Variants in FRMD4B observed in about 807,000 individuals in gnomAD.
FRMD4B encodes FERM domain containing 4B.
FRMD4B carries 74 observed loss-of-function variants against 141.5 expected under a neutral mutation model. That is an observed-to-expected ratio of 0.52 (90% confidence interval 0.43 to 0.63). The LOEUF is 0.63. FRMD4B is among the 30% of genes least tolerant of loss of function. FRMD4B has a pLI of 0.00. For missense variants in FRMD4B, 1,366 were observed against 1,253.4 expected (o/e 1.09, Z -1.36); for synonymous variants, 506 against 467.9 (o/e 1.08, Z -1.05).
At chr3:69,244,620 G>A (rs539727944) in intron 7 of FRMD4B, among the ~76,000 whole-genome samples, 66 of 151,584 alleles carry the variant, frequency 4.4e-4, no homozygotes, top group African/African-American at 1.6e-3. Context: ...GCGACAGAGC[G>A]AGACTCTGTT....
intron 7 of FRMD4B, among the ~76,000 whole-genome samples, chr3:69,243,981 G>A (rs940837457): frequency 1.3e-5 from 2 of 152,156 alleles, no homozygotes; most frequent in African/African-American, 2.4e-5. Flanking sequence ...GGGAGGCGGA[G>A]GTTGCTGTGA....
rs530583254 is a variant in FRMD4B, at chr3:69,297,493, A to G, written c.416+4850T>C. 2.0e-5 allele frequency among the ~76,000 whole-genome samples: 3 copies of G among 152,288 alleles called. No individual in the cohort carries two copies. In the South Asian group the frequency reaches 6.2e-4, roughly 32 times the overall value. Reference sequence around the variant, plus strand: ...GGAAGACCAAATGAAATGAAAAACAACAACAACAAAAAATAATAAAGGGGA... The same window carrying G: ...GGAAGACCAAATGAAATGAAAAACAGCAACAACAAAAAATAATAAAGGGGA... On this transcript the variant is annotated intron_variant, in intron 4 of 22. Coordinates refer to ENST00000398540, the MANE Select transcript of FRMD4B (RefSeq NM_015123.3).
In FRMD4B at chr3:69,536,699, A is replaced by G. The variant is rs1365462252; in HGVS notation, c.-129+5507T>C. ...TGACACTCCCAGGAGGGGAGGCATC[A>G]GTAGTTTTATCCTTCAGTTATGGTA... On this transcript the variant is annotated intron_variant, in intron 1 of 5. Transcript: ENST00000459638. The G allele has an allele frequency of 1.2e-5, 8 of 695,590 alleles. No individual in the cohort carries two copies. The East Asian group carries it at 2.2e-4, about 20-fold the overall frequency. The allele number at this position is 695,590 out of a possible 1,614,324, so 43.1% of individuals were successfully genotyped here.
intron 1 of FRMD4B, among the ~76,000 whole-genome samples, chr3:69,365,731 CAAGTGAT>C (rs1197623165): frequency 6.6e-6 from 1 of 152,030 alleles, no homozygotes; most frequent in Non-Finnish European, 1.5e-5. Context: ...CTCTTGACTT[CAAGTGAT>C]ACACCCGCCT....
intron 1 of FRMD4B, among the ~76,000 whole-genome samples, chr3:69,483,669 T>C (rs7652880): frequency 0.21 from 32,154 of 152,120 alleles, 3,744 homozygotes; most frequent in East Asian, 0.42. Context: ...ACCTGGAAAC[T>C]GCTGGTGGAA....
chr3:69,383,858 C>T (rs898514326), intron 1 of FRMD4B, among the ~76,000 whole-genome samples: 4 of 152,186 alleles, frequency 2.6e-5, no homozygotes, highest in African/African-American at 9.7e-5. Flanking sequence ...TGGTGCCCAA[C>T]CGTTATCTTT....
chr3:69,524,602 A>T (rs1263535111), intron 1 of FRMD4B, among the ~76,000 whole-genome samples: 2 of 152,200 alleles, frequency 1.3e-5, no homozygotes, highest in African/African-American at 4.8e-5. Flanking sequence ...CTCCACACAA[A>T]GGTAGGGGAA....
intron 5 of FRMD4B, among the ~76,000 whole-genome samples, chr3:69,258,819 G>A (rs2093508571): frequency 6.6e-6 from 1 of 152,124 alleles, no homozygotes. Context: ...CCCACTGGAA[G>A]AACCTGTGGG....
At chr3:69,178,324 T>A (rs1333748016) in intron 21 of FRMD4B, among the ~76,000 whole-genome samples, 2 of 152,188 alleles carry the variant, frequency 1.3e-5, no homozygotes, top group Non-Finnish European at 2.9e-5. Context: ...CACTCTGAGT[T>A]TGAGCTTCCA....
At chr3:69,455,315 C>T (rs992722304) in intron 1 of FRMD4B, among the ~76,000 whole-genome samples, 19 of 152,328 alleles carry the variant, frequency 1.2e-4, no homozygotes, top group East Asian at 1.2e-3. Flanking sequence ...TTTGTTCTTT[C>T]ACTCTTTGCA....
intron 1 of FRMD4B, among the ~76,000 whole-genome samples, chr3:69,492,078 C>A (rs1706308762): frequency 6.6e-6 from 1 of 152,184 alleles, no homozygotes; most frequent in Non-Finnish European, 1.5e-5. Flanking sequence ...TTACATCCTG[C>A]CCTGGCAGGA....
intron 2 of FRMD4B, among the ~76,000 whole-genome samples, chr3:69,397,201 T>C (rs1704487886): frequency 6.6e-6 from 1 of 152,164 alleles, no homozygotes; most frequent in South Asian, 2.1e-4. Flanking sequence ...GAAATACTGG[T>C]ACGTACTACA....
At chr3:69,366,591 T>C (rs988594451) in intron 1 of FRMD4B, among the ~76,000 whole-genome samples, 1 of 152,220 alleles carries the variant, frequency 6.6e-6, no homozygotes, top group Non-Finnish European at 1.5e-5. Flanking sequence ...ATATATGCCC[T>C]GTTAATAACC....
At chr3:69,178,528 C>T (rs2092673230) in intron 21 of FRMD4B, among the ~76,000 whole-genome samples, 2 of 151,880 alleles carry the variant, frequency 1.3e-5, no homozygotes, top group African/African-American at 4.8e-5. Context: ...TAAAATTAGC[C>T]AGGCATGGTG....
At chr3:69,475,630 A>C (rs1705980956) in intron 1 of FRMD4B, among the ~76,000 whole-genome samples, 1 of 152,106 alleles carries the variant, frequency 6.6e-6, no homozygotes, top group Non-Finnish European at 1.5e-5. Context: ...GGTTGGTTCC[A>C]AGTCTTTGCT....
chr3:69,212,762 C>T (rs2093099022), intron 11 of FRMD4B, among the ~76,000 whole-genome samples: 2 of 152,136 alleles, frequency 1.3e-5, no homozygotes, highest in African/African-American at 4.8e-5. Flanking sequence ...GCCACATTAG[C>T]TAATAAATTA....
At chr3:69,512,193 G>A (rs935306697) in intron 1 of FRMD4B, among the ~76,000 whole-genome samples, 2 of 152,176 alleles carry the variant, frequency 1.3e-5, no homozygotes, top group African/African-American at 4.8e-5. Context: ...TCACCATAGT[G>A]AGGCACTGCA....
intron 1 of FRMD4B, among the ~76,000 whole-genome samples, chr3:69,314,724 A>G (rs1430082123): frequency 1.3e-5 from 2 of 151,890 alleles, no homozygotes; most frequent in African/African-American, 4.8e-5. Flanking sequence ...AGTTCCAGCT[A>G]CTCTGGAGGC....
chr3:69,470,026 C>T (rs979290309), intron 1 of FRMD4B, among the ~76,000 whole-genome samples: 1 of 152,116 alleles, frequency 6.6e-6, no homozygotes, highest in Non-Finnish European at 1.5e-5. Context: ...AAATACACCC[C>T]AAGACACCCA....
Sources: allele counts gnomAD v4.1 joint callset (sites outside exome capture counted in the v4.1 genomes callset), GRCh38; gene constraint gnomAD v4.1.1; transcripts MANE v1.5; gene names NCBI Gene and HGNC (gene_info 2026-07-23, HGNC 2026-07-21).